The following CACNA2D3 variants were observed in gnomAD, a reference collection of about 807,000 sequenced individuals.
CACNA2D3 encodes the protein calcium voltage-gated channel auxiliary subunit alpha2delta 3.
CACNA2D3 carries 60 observed loss-of-function variants against 160.6 expected under a neutral mutation model. The ratio of observed to expected loss-of-function variants is 0.37; its 90% confidence interval spans 0.30 to 0.46. The LOEUF (loss-of-function observed/expected upper bound fraction) is 0.46, where lower values mean the gene tolerates loss of function less well. CACNA2D3 is among the 20% of genes least tolerant of loss of function. CACNA2D3 has a pLI of 1.00. For synonymous variants in CACNA2D3, 558 were observed against 492.9 expected, an observed-to-expected ratio of 1.13 and a Z score of -1.75; for missense variants, 1,205 against 1,365.0, an observed-to-expected ratio of 0.88 and a Z score of 1.85.
At chr3:54,421,931 G>C (rs1057294334) in intron 4 of CACNA2D3, among the ~76,000 whole-genome samples, 1 of 152,086 alleles carries the variant, frequency 6.6e-6, no homozygotes, top group Non-Finnish European at 1.5e-5. Context: ...CCACCACACC[G>C]AGAGCCTTAT....
chr3:54,654,278 T>C (rs1369952371), intron 11 of CACNA2D3, among the ~76,000 whole-genome samples: 15 of 152,018 alleles, frequency 9.9e-5, no homozygotes, highest in Non-Finnish European at 1.5e-5. Flanking sequence ...AGATCATATT[T>C]TGGGGTTTTG....
intron 2 of CACNA2D3, among the ~76,000 whole-genome samples, chr3:54,282,254 G>C (rs1702898207): frequency 6.6e-6 from 1 of 152,200 alleles, no homozygotes; most frequent in Non-Finnish European, 1.5e-5. Context: ...TCAAATATCT[G>C]TAATGTTTTT....
At chr3:54,445,670 T>C (rs1298908547) in intron 4 of CACNA2D3, among the ~76,000 whole-genome samples, 1 of 151,702 alleles carries the variant, frequency 6.6e-6, no homozygotes, top group Non-Finnish European at 1.5e-5. Flanking sequence ...GTAGGGAGTG[T>C]TGGAGACTTC....
intron 11 of CACNA2D3, among the ~76,000 whole-genome samples, chr3:54,653,999 C>T (rs1421566683): frequency 6.6e-6 from 1 of 152,070 alleles, no homozygotes; most frequent in Non-Finnish European, 1.5e-5. Context: ...ATGCTTAGCC[C>T]CACCCAATGG....
chr3:55,023,702 A>G (rs1703507021), intron 35 of CACNA2D3, among the ~76,000 whole-genome samples: 1 of 152,114 alleles, frequency 6.6e-6, no homozygotes, highest in Admixed American at 6.6e-5. Flanking sequence ...TTTGGCTTCT[A>G]TCATGTATCC....
intron 27 of CACNA2D3, among the ~76,000 whole-genome samples, chr3:54,912,524 G>A (rs1700580189): frequency 6.6e-6 from 1 of 152,058 alleles, no homozygotes; most frequent in African/African-American, 2.4e-5. Context: ...CAGGGCCTTT[G>A]CACCTGCCAT....
At chr3:54,480,430 C>T (rs183921998) in intron 4 of CACNA2D3, among the ~76,000 whole-genome samples, 111 of 152,192 alleles carry the variant, frequency 7.3e-4, no homozygotes, top group African/African-American at 2.4e-3. Context: ...TAGATCACTT[C>T]GTTGTGTTTT....
At chr3:55,012,431 C>G (rs1351561586) in intron 34 of CACNA2D3, among the ~76,000 whole-genome samples, 1 of 152,140 alleles carries the variant, frequency 6.6e-6, no homozygotes, top group African/African-American at 2.4e-5. Flanking sequence ...ACGCTCCCTT[C>G]TCTTCATGTC....
At chr3:55,035,993 C>T (rs1703808362) in intron 35 of CACNA2D3, among the ~76,000 whole-genome samples, 1 of 152,192 alleles carries the variant, frequency 6.6e-6, no homozygotes, top group Non-Finnish European at 1.5e-5. Flanking sequence ...TGCCCCTTTG[C>T]TGTGTAGATA....
chr3:54,987,755 T>A lies in CACNA2D3; in HGVS notation c.2690+2T>A. On this transcript the variant is annotated splice_donor_variant, in intron 31 of 37. Coordinates refer to ENST00000474759, the MANE Select transcript of CACNA2D3 (RefSeq NM_018398.3). LOFTEE classifies it high-confidence loss of function. ...GCTAACAATGGGCTCCTTTAAAAGG[T>A]AAGGGTTTTATGGTCCACTGCATTC... 6.2e-7 allele frequency: 1 copy of A among 1,601,696 alleles called. No homozygotes were observed. Among genetic ancestry groups the A allele is most frequent in the Non-Finnish European group, 8.5e-7 (1 of 1,175,480 alleles).
intron 17 of CACNA2D3, among the ~76,000 whole-genome samples, chr3:54,863,827 CATTA>C (rs1039644941): frequency 2.6e-5 from 4 of 152,050 alleles, no homozygotes; most frequent in Non-Finnish European, 5.9e-5. Flanking sequence ...TGCTTAAAAA[CATTA>C]ATTAATAAGA....
chr3:54,830,335 A>C (rs963831917), intron 14 of CACNA2D3, among the ~76,000 whole-genome samples: 1 of 152,078 alleles, frequency 6.6e-6, no homozygotes, highest in African/African-American at 2.4e-5. Flanking sequence ...TCCACCTCTT[A>C]GTACTACTCC....
intron 2 of CACNA2D3, among the ~76,000 whole-genome samples, chr3:54,135,453 G>A (rs938633159): frequency 8.5e-5 from 13 of 152,234 alleles, no homozygotes; most frequent in Admixed American, 1.3e-4. Flanking sequence ...TTCCCCAGGC[G>A]CAGCCTGCAC....
At chr3:54,790,495 G>A (rs5015055) in intron 13 of CACNA2D3, among the ~76,000 whole-genome samples, 119,633 of 152,162 alleles carry the variant, frequency 0.79, 47,631 homozygotes, top group African/African-American at 0.91. Flanking sequence ...TGACCTATAT[G>A]TAGCATGCAT....
chr3:54,852,990 G>A (rs922232970), intron 17 of CACNA2D3, among the ~76,000 whole-genome samples: 7 of 151,960 alleles, frequency 4.6e-5, no homozygotes. Flanking sequence ...CGCAACTGAG[G>A]AAATAGCAGG....
At chr3:54,271,386 C>T (rs757255014) in intron 2 of CACNA2D3, among the ~76,000 whole-genome samples, 1 of 152,184 alleles carries the variant, frequency 6.6e-6, no homozygotes, top group Non-Finnish European at 1.5e-5. Flanking sequence ...TCACCACCAA[C>T]CCACTGGAGT....
chr3:54,520,128 A>G lies in CACNA2D3; in HGVS notation c.544+16474A>G, dbSNP rs762832018. On this transcript the variant is annotated intron_variant, in intron 5 of 37. Coordinates refer to ENST00000474759, the MANE Select transcript of CACNA2D3 (RefSeq NM_018398.3). ...CCTAGTGGTTCCAGTATCCTTCTGC[A>G]TAGATACTTCGGACTGAAGTTCATT... 2.0e-4 allele frequency among the ~76,000 whole-genome samples: 31 copies of G among 152,270 alleles called. 1 individual carries two copies. The highest frequency in any genetic ancestry group is 1.5e-4 in the Non-Finnish European group (10 of 68,048).
At chr3:54,485,257 G>A (rs6807107) in intron 4 of CACNA2D3, among the ~76,000 whole-genome samples, 140,127 of 152,234 alleles carry the variant, frequency 0.92, 65,037 homozygotes, top group Non-Finnish European at 0.98. Context: ...TTATGCTCTA[G>A]AACCCAAGTA....
chr3:54,785,543 CTCTTGTTT>C (rs1702623331), intron 13 of CACNA2D3, among the ~76,000 whole-genome samples: 1 of 152,176 alleles, frequency 6.6e-6, no homozygotes, highest in Non-Finnish European at 1.5e-5. Context: ...ATATGGGCCT[CTCTTGTTT>C]TCTTTTGTTG....
Sources: gnomAD v4.1 joint callset for allele counts (sites outside exome capture counted in the v4.1 genomes callset) on GRCh38, gnomAD v4.1.1 for gene constraint, MANE v1.5 for transcripts, NCBI Gene and HGNC (gene_info 2026-07-23, HGNC 2026-07-21) for gene names.